CLVS1: variants seen among roughly 807,000 people sequenced by gnomAD.
CLVS1 encodes clavesin-1.
In CLVS1, 10 loss-of-function variants were observed where a neutral mutation model predicts 33.1. That is an observed-to-expected ratio of 0.30 (90% CI 0.19 to 0.51). The LOEUF is 0.51. Among genes scored for constraint, CLVS1 ranks in the 20% least tolerant of loss-of-function variants. The pLI, the probability that CLVS1 is intolerant of heterozygous loss-of-function variation, is 0.97. For missense variants in CLVS1, 343 were observed against 433.4 expected, an observed-to-expected ratio of 0.79 and a Z score of 1.85; for synonymous variants, 163 against 166.1, an observed-to-expected ratio of 0.98 and a Z score of 0.14.
intron 1 of CLVS1, among the ~76,000 whole-genome samples, chr8:61,072,575 A>G (rs911220561): frequency 2.6e-5 from 4 of 152,374 alleles, no homozygotes; most frequent in East Asian, 1.9e-4. Flanking sequence ...AAACAGATGC[A>G]TTTGTTAGTT....
intron 4 of CLVS1, among the ~76,000 whole-genome samples, chr8:61,456,111 G>A (rs751064713): frequency 2.3e-4 from 35 of 152,158 alleles, no homozygotes; most frequent in Admixed American, 4.6e-4. Flanking sequence ...TTCCTCCCAC[G>A]GTGGACACTT....
At chr8:61,125,866 C>T (rs901700002) in intron 1 of CLVS1, among the ~76,000 whole-genome samples, 2 of 152,072 alleles carry the variant, frequency 1.3e-5, no homozygotes, top group Non-Finnish European at 2.9e-5. Context: ...TTTGATTTTT[C>T]AATATTATAT....
intron 2 of CLVS1, among the ~76,000 whole-genome samples, chr8:61,199,871 G>A (rs139794761): frequency 1.0e-3 from 153 of 152,238 alleles, no homozygotes; most frequent in African/African-American, 3.2e-3. Flanking sequence ...TTGTGGGTTA[G>A]TGTCCATTAT....
chr8:61,073,943 C>T (rs577857327), intron 1 of CLVS1, among the ~76,000 whole-genome samples: 1 of 139,528 alleles, frequency 7.2e-6, no homozygotes, highest in South Asian at 2.3e-4. Flanking sequence ...ACCAGTGGGG[C>T]GGAGCCTGCA....
At chr8:61,295,681 A>G (rs1810170453) in intron 1 of CLVS1, among the ~76,000 whole-genome samples, 1 of 152,184 alleles carries the variant, frequency 6.6e-6, no homozygotes, top group South Asian at 2.1e-4. Context: ...ACAGGGCAGC[A>G]TAACAGTAAA....
chr8:61,308,417 A>T (rs1810708452), intron 2 of CLVS1, among the ~76,000 whole-genome samples: 2 of 152,156 alleles, frequency 1.3e-5, no homozygotes, highest in South Asian at 4.2e-4. Context: ...GAGCTTCTGA[A>T]AGACTGCAAG....
intron 2 of CLVS1, among the ~76,000 whole-genome samples, chr8:61,352,344 G>A (rs1812504207): frequency 1.3e-5 from 2 of 151,878 alleles, no homozygotes; most frequent in Non-Finnish European, 2.9e-5. Flanking sequence ...GAAGAAAACA[G>A]AAACATCTCA....
chr8:61,356,634 G>C (rs1812719405), intron 2 of CLVS1, among the ~76,000 whole-genome samples: 2 of 151,978 alleles, frequency 1.3e-5, no homozygotes, highest in Admixed American at 1.3e-4. Context: ...TCTACATATG[G>C]TTAGCCAGTT....
the CLVS1 span, among the ~76,000 whole-genome samples, chr8:61,027,268 T>A: frequency 6.6e-6 from 1 of 152,268 alleles, no homozygotes; most frequent in East Asian, 1.9e-4. Context: ...GAATGTGCAT[T>A]AAAATGGATC....
intron 3 of CLVS1, among the ~76,000 whole-genome samples, chr8:61,428,800 C>G (rs558785316): frequency 6.6e-6 from 1 of 152,184 alleles, no homozygotes; most frequent in Non-Finnish European, 1.5e-5. Flanking sequence ...TGGCCTTCCC[C>G]ATAAGCAGGT....
In CLVS1 at chr8:61,309,589, A is replaced by T. The variant is rs183232061; in HGVS notation, c.455+9307A>T. On this transcript the variant is annotated intron_variant, in intron 2 of 5. Transcript: ENST00000325897. Reference sequence around the variant, plus strand: ...CCCCAAATCTGTTTGTTCTTAGAGGACAGGTGCTTTTCCACTTGCCCTTGT... The same window carrying T: ...CCCCAAATCTGTTTGTTCTTAGAGGTCAGGTGCTTTTCCACTTGCCCTTGT... Among the ~76,000 whole-genome samples the T allele has an allele frequency of 7.6e-4, 116 of 152,332 alleles. 1 individual carries two copies. The Middle Eastern group carries it at 0.014, about 18-fold the overall frequency.
chr8:61,225,270 A>C (rs1481481721), intron 2 of CLVS1, among the ~76,000 whole-genome samples: 1 of 152,180 alleles, frequency 6.6e-6, no homozygotes, highest in Non-Finnish European at 1.5e-5. Context: ...GTGAGCTGAG[A>C]TAGTACCATT....
At chr8:61,005,499 A>AG in the CLVS1 span, among the ~76,000 whole-genome samples, 1 of 152,052 alleles carries the variant, frequency 6.6e-6, no homozygotes, top group Non-Finnish European at 1.5e-5. Flanking sequence ...AGAAAAGAAA[A>AG]GAAAAAAAAG....
intron 5 of CLVS1, among the ~76,000 whole-genome samples, chr8:61,490,250 G>A (rs1047129553): frequency 6.6e-6 from 1 of 150,962 alleles, no homozygotes; most frequent in Non-Finnish European, 1.5e-5. Flanking sequence ...TTGAACCTGA[G>A]AGGCAGAGGT....
intron 1 of CLVS1, among the ~76,000 whole-genome samples, chr8:61,076,524 T>C (rs1211120750): frequency 1.3e-5 from 2 of 152,210 alleles, no homozygotes; most frequent in African/African-American, 2.4e-5. Context: ...GCTGGCAGGA[T>C]CAAAAGTCAG....
chr8:60,976,796 T>C, the CLVS1 span, among the ~76,000 whole-genome samples: 1 of 152,218 alleles, frequency 6.6e-6, no homozygotes, highest in Non-Finnish European at 1.5e-5. Context: ...GGGGCGGTGG[T>C]ATGCATTCCT....
chr8:61,382,223 ACAGT>A (rs1444405492), intron 3 of CLVS1, among the ~76,000 whole-genome samples: 1 of 152,238 alleles, frequency 6.6e-6, no homozygotes, highest in Non-Finnish European at 1.5e-5. Flanking sequence ...AGTAATTTTG[ACAGT>A]CAGATTGGGC....
chr8:61,210,258 T>C (rs940249822), intron 2 of CLVS1, among the ~76,000 whole-genome samples: 8 of 152,304 alleles, frequency 5.3e-5, no homozygotes, highest in Admixed American at 1.3e-4. Context: ...AGGAGTACTC[T>C]CCTATTTCTC....
chr8:61,383,555 C>T lies in CLVS1; in HGVS notation c.630+6776C>T, dbSNP rs116066521. Among the ~76,000 whole-genome samples the T allele has an allele frequency of 1.9e-3, 283 of 152,264 alleles. 2 individuals carry two copies. The highest frequency in any genetic ancestry group is 6.5e-3 in the African/African-American group (272 of 41,536). On this transcript the variant is annotated intron_variant, in intron 3 of 5. Coordinates refer to ENST00000325897, the MANE Select transcript of CLVS1 (RefSeq NM_173519.3). ...CCTCTAGGCAAACTATGTTTTACCT[C>T]CTCAGGTCACAAAGCTGTAATTTTG...
Sources: gnomAD v4.1 joint callset for allele counts (sites outside exome capture counted in the v4.1 genomes callset) on GRCh38, gnomAD v4.1.1 for gene constraint, MANE v1.5 for transcripts, NCBI Gene and HGNC (gene_info 2026-07-23, HGNC 2026-07-21) for gene names.